Variants in CDH2 observed in about 807,000 individuals in gnomAD.
CDH2 encodes cadherin-2.
CDH2 carries 17 observed loss-of-function variants against 92.0 expected under a neutral mutation model. The ratio of observed to expected loss-of-function variants is 0.18; its 90% CI spans 0.13 to 0.28. The LOEUF (loss-of-function observed/expected upper bound fraction) is 0.28, where lower values mean the gene tolerates loss of function less well. Among genes scored for constraint, CDH2 ranks in the 10% least tolerant of loss-of-function variants. The probability of loss-of-function intolerance (pLI) is 1.00; values close to 1 mark genes in which losing one functional copy is unlikely to be tolerated. For missense variants in CDH2, 862 were observed against 1,133.1 expected, an observed-to-expected ratio of 0.76 and a Z score of 3.44; for synonymous variants, 419 against 415.9, an observed-to-expected ratio of 1.01 and a Z score of -0.09.
intron 2 of CDH2, among the ~76,000 whole-genome samples, chr18:28,055,371 G>C (rs1320730546): frequency 6.6e-6 from 1 of 152,076 alleles, no homozygotes; most frequent in Non-Finnish European, 1.5e-5. Context: ...ATATCACTAG[G>C]CTTATTATGC....
intron 1 of CDH2, among the ~76,000 whole-genome samples, chr18:28,150,129 T>C (rs2016098209): frequency 6.6e-6 from 1 of 152,172 alleles, no homozygotes; most frequent in South Asian, 2.1e-4. Flanking sequence ...TAAACCTGTG[T>C]CCCACCAACA....
At chr18:28,127,339 C>G (rs1441370912) in intron 2 of CDH2, among the ~76,000 whole-genome samples, 1 of 152,114 alleles carries the variant, frequency 6.6e-6, no homozygotes, top group Non-Finnish European at 1.5e-5. Flanking sequence ...TTCTGAGTGG[C>G]TTGGGAATTT....
At chr18:27,969,745 G>A (rs1208116073) in intron 14 of CDH2, among the ~76,000 whole-genome samples, 1 of 152,166 alleles carries the variant, frequency 6.6e-6, no homozygotes, top group Non-Finnish European at 1.5e-5. Flanking sequence ...GGCCGGGTGC[G>A]GCGGCTCACG....
chr18:28,064,411 G>A (rs655461), intron 2 of CDH2, among the ~76,000 whole-genome samples: 4,434 of 152,152 alleles, frequency 0.029, 185 homozygotes, highest in African/African-American at 0.095. Context: ...GACTACAGGT[G>A]TGTACCACCA....
chr18:28,079,307 A>G (rs1344229025), intron 2 of CDH2, among the ~76,000 whole-genome samples: 1 of 152,146 alleles, frequency 6.6e-6, no homozygotes, highest in Non-Finnish European at 1.5e-5. Flanking sequence ...TTCTCTATTA[A>G]TTTTTAGGAT....
chr18:28,100,476 A>C (rs1458105852), intron 2 of CDH2, among the ~76,000 whole-genome samples: 1 of 151,198 alleles, frequency 6.6e-6, no homozygotes, highest in East Asian at 1.9e-4. Flanking sequence ...TTGCTGACTC[A>C]ACCTGCAGAT....
chr18:28,013,885 T>C lies in CDH2; in HGVS notation c.197A>G (p.Lys66Arg). The C allele has an allele frequency of 1.9e-6, 3 of 1,613,120 alleles. No individual in the cohort carries two copies. Among genetic ancestry groups the C allele is most frequent in the Non-Finnish European group, 1.7e-6 (2 of 1,179,898 alleles). Residue 66 changes from lysine (K) to arginine (R), a missense_variant, in exon 3 of 16, where the codon AAA (lysine) becomes AGA (arginine). Physicochemically the swap from Lys to Arg is conservative, Grantham distance 26. Transcript: ENST00000269141. ...LNVKFSNCNG[K>R]RKVQYESSEP... ...ACTGCTCTCATATTGTACTTTTCTT[T>C]TTCCATTGCAGTTGCTAAACTTCAC...
At chr18:28,000,624 G>T (rs895602854) in intron 7 of CDH2, among the ~76,000 whole-genome samples, 1 of 152,100 alleles carries the variant, frequency 6.6e-6, no homozygotes, top group African/African-American at 2.4e-5. Context: ...GAAATGGAAA[G>T]GCCAGGAATA....
At chr18:28,037,463 T>C (rs2013857713) in intron 2 of CDH2, among the ~76,000 whole-genome samples, 1 of 152,290 alleles carries the variant, frequency 6.6e-6, no homozygotes, top group Non-Finnish European at 1.5e-5. Context: ...TGCTAAGGTG[T>C]TTGATACAGC....
At chr18:28,008,271 T>C (rs2012996424) in intron 5 of CDH2, among the ~76,000 whole-genome samples, 1 of 151,622 alleles carries the variant, frequency 6.6e-6, no homozygotes, top group Non-Finnish European at 1.5e-5. Context: ...TTATTAATGC[T>C]ATGTTGTCTT....
At chr18:28,145,856 T>C (rs1373129798) in intron 2 of CDH2, among the ~76,000 whole-genome samples, 2 of 151,916 alleles carry the variant, frequency 1.3e-5, no homozygotes, top group Non-Finnish European at 2.9e-5. Context: ...AAACCTAAAA[T>C]TGGGAACAAG....
At chr18:27,984,158 A>C (rs377569396) in intron 13 of CDH2, among the ~76,000 whole-genome samples, 7 of 152,360 alleles carry the variant, frequency 4.6e-5, no homozygotes, top group African/African-American at 1.7e-4. Flanking sequence ...TGCTTAGAAT[A>C]AAGGGACAGA....
At chr18:27,955,178 C>T (rs1415503502) in intron 15 of CDH2, among the ~76,000 whole-genome samples, 1 of 151,954 alleles carries the variant, frequency 6.6e-6, no homozygotes, top group Non-Finnish European at 1.5e-5. Flanking sequence ...AGAGCCCTGG[C>T]CCAATCCTTA....
intron 2 of CDH2, among the ~76,000 whole-genome samples, chr18:28,133,581 CAAAAAAAAA>C (rs765999292): frequency 2.1e-5 from 1 of 47,254 alleles, no homozygotes; most frequent in African/African-American, 8.1e-5. Context: ...GACTCTGTCT[CAAAAAAAAA>C]AAAAAAAAAA....
chr18:28,011,413 T>C (rs2013095251), intron 4 of CDH2, among the ~76,000 whole-genome samples: 1 of 152,190 alleles, frequency 6.6e-6, no homozygotes, highest in African/African-American at 2.4e-5. Flanking sequence ...CAAATGCATT[T>C]GGTGCTGGCA....
At chr18:27,943,429 T>A (rs976901093) in intron 6 of CDH2, among the ~76,000 whole-genome samples, 2 of 152,204 alleles carry the variant, frequency 1.3e-5, no homozygotes, top group African/African-American at 4.8e-5. Flanking sequence ...AATATGTATT[T>A]CATAGACTCA....
rs571804237 is a variant in CDH2, at chr18:28,147,123, T to C, written c.172+550A>G. Among the ~76,000 whole-genome samples the C allele has an allele frequency of 1.6e-3, 236 of 152,250 alleles. 2 individuals are homozygous for C. Among genetic ancestry groups the C allele is most frequent in the African/African-American group, 4.4e-3 (181 of 41,580 alleles). Reference sequence around the variant, plus strand: ...GACTATATTTAAAATTCACATATGCTACAACTAAATTAGCTTTCTAGTAAT... The same window carrying C: ...GACTATATTTAAAATTCACATATGCCACAACTAAATTAGCTTTCTAGTAAT... On this transcript the variant is annotated intron_variant, in intron 2 of 15. Transcript: ENST00000269141.
intron 2 of CDH2, among the ~76,000 whole-genome samples, chr18:28,103,623 G>A (rs968939605): frequency 5.9e-5 from 9 of 151,806 alleles, no homozygotes; most frequent in Admixed American, 3.3e-4. Flanking sequence ...TCTACATTAG[G>A]TATTTCTCCT....
rs769250090 is a variant in CDH2, at chr18:28,045,451, A to G, written c.173-31542T>C. ...ACATGTCCTTCAACAATGTGGCCAC[A>G]GCCTAAAAGTCAATTCTCTCATCAT... On this transcript the variant is annotated intron_variant, in intron 2 of 15. Transcript: ENST00000269141. 14 of 467,316 alleles carry G rather than the reference A, an allele frequency of 3.0e-5. 1 individual carries two copies. The highest frequency in any genetic ancestry group is 1.4e-4 in the Admixed American group (6 of 42,134). 28.9% of individuals were successfully genotyped at this position (467,316 alleles called of 1,614,324 possible).
Sources: allele counts gnomAD v4.1 joint callset (sites outside exome capture counted in the v4.1 genomes callset), GRCh38; gene constraint gnomAD v4.1.1; transcripts MANE v1.5; gene names NCBI Gene and HGNC (gene_info 2026-07-23, HGNC 2026-07-21).